The following NMT2 variants were observed in gnomAD, a reference collection of about 807,000 sequenced individuals.
The protein encoded by NMT2 is glycylpeptide N-tetradecanoyltransferase 2.
NMT2 carries 35 observed loss-of-function variants against 65.4 expected under a neutral mutation model. The ratio of observed to expected loss-of-function variants is 0.54; its 90% CI spans 0.41 to 0.71. The LOEUF is 0.71. NMT2 is among the 30% of genes least tolerant of loss of function. NMT2 has a pLI of 0.00. For missense variants in NMT2, 489 were observed against 611.3 expected, an observed-to-expected ratio of 0.80 and a Z score of 2.11; for synonymous variants, 226 against 231.8, an observed-to-expected ratio of 0.98 and a Z score of 0.23.
intron 10 of NMT2, among the ~76,000 whole-genome samples, chr10:15,111,509 CAA>C (rs58537120): frequency 1.9e-5 from 1 of 52,802 alleles, no homozygotes; most frequent in African/African-American, 6.6e-5. Flanking sequence ...AGACTCATCT[CAA>C]AAAAAAAAAA....
intron 8 of NMT2, among the ~76,000 whole-genome samples, chr10:15,119,904 A>G (rs913407629): frequency 1.3e-5 from 2 of 152,224 alleles, no homozygotes; most frequent in Non-Finnish European, 2.9e-5. Context: ...AAGAATGTTA[A>G]CAGTCTACAT....
At chr10:15,125,293 C>T (rs1038100345) in intron 8 of NMT2, among the ~76,000 whole-genome samples, 7 of 152,312 alleles carry the variant, frequency 4.6e-5, no homozygotes, top group Admixed American at 4.6e-4. Context: ...GGACTGCTAC[C>T]AGGAACCCAG....
At chr10:15,138,389 C>A (rs1178609019) in intron 2 of NMT2, 1 of 471,008 alleles carries the variant, frequency 2.1e-6, no homozygotes, top group Non-Finnish European at 4.4e-6. Flanking sequence ...AAGGGAAACT[C>A]AGCTATGATC....
intron 1 of NMT2, among the ~76,000 whole-genome samples, chr10:15,164,847 C>T (rs1050417078): frequency 2.0e-5 from 3 of 152,120 alleles, no homozygotes; most frequent in African/African-American, 7.2e-5. Flanking sequence ...GCCTGACCAA[C>T]ATGGTAAAAC....
At position 15,135,268 on chromosome 10, in the gene NMT2, A is replaced by G. The variant is rs1846439372; in HGVS notation, c.391+6T>C. The G allele has an allele frequency of 1.2e-6, 2 of 1,613,636 alleles. No homozygotes were observed. Among genetic ancestry groups the G allele is most frequent in the Non-Finnish European group, 1.7e-6 (2 of 1,179,934 alleles). On this transcript the variant is annotated splice_donor_region_variant and intron_variant, in intron 3 of 11. Coordinates refer to ENST00000378165, the MANE Select transcript of NMT2 (RefSeq NM_004808.3). ...GGGAAAAAAAGAGAAAAGCAGAAAA[A>G]CTTACCTAGTTTTGGTACCGGTTGT... is the stretch of plus-strand genomic sequence containing the variant.
intron 1 of NMT2, among the ~76,000 whole-genome samples, chr10:15,144,789 A>G (rs1002251860): frequency 3.3e-5 from 5 of 152,160 alleles, no homozygotes; most frequent in African/African-American, 1.2e-4. Context: ...GAACCCTCAT[A>G]CACTGTTGAT....
chr10:15,137,073 T>C (rs947602587), intron 2 of NMT2, among the ~76,000 whole-genome samples: 6 of 152,192 alleles, frequency 3.9e-5, no homozygotes, highest in African/African-American at 1.2e-4. Flanking sequence ...GTGGACACCA[T>C]TGAAAGGTAC....
chr10:15,132,085 G>A (rs1217205158), intron 6 of NMT2, among the ~76,000 whole-genome samples: 3 of 152,072 alleles, frequency 2.0e-5, no homozygotes, highest in East Asian at 1.9e-4. Flanking sequence ...GGCTGGTCTC[G>A]AACTCCTGAC....
chr10:15,113,087 G>T, intron 9 of NMT2, 124 bp from the exon 10 acceptor site: 1 of 1,054,320 alleles, frequency 9.5e-7, no homozygotes, highest in Non-Finnish European at 1.4e-6. Flanking sequence ...TTCTTTCTCG[G>T]CAGTCCAATT....
chr10:15,151,130 A>C (rs1204048121), intron 1 of NMT2, among the ~76,000 whole-genome samples: 1 of 148,422 alleles, frequency 6.7e-6, no homozygotes, highest in East Asian at 2.0e-4. Context: ...GCAATCTCGG[A>C]TCACTGCAAT....
At chr10:15,137,283 G>C (rs756793418) in intron 2 of NMT2, among the ~76,000 whole-genome samples, 15 of 152,094 alleles carry the variant, frequency 9.9e-5, no homozygotes, top group Admixed American at 7.9e-4. Flanking sequence ...GCAGGTGAAA[G>C]TCTTTTTGTC....
chr10:15,111,302 G>C (rs969332515), intron 10 of NMT2, among the ~76,000 whole-genome samples: 2 of 151,642 alleles, frequency 1.3e-5, no homozygotes, highest in Non-Finnish European at 2.9e-5. Flanking sequence ...CCTGAGGTCA[G>C]GAGTTCGAGA....
chr10:15,120,233 G>A (rs1845882074), intron 8 of NMT2, among the ~76,000 whole-genome samples: 1 of 152,138 alleles, frequency 6.6e-6, no homozygotes, highest in South Asian at 2.1e-4. Context: ...TGATGCCGGT[G>A]GATCATTTGA....
intron 1 of NMT2, among the ~76,000 whole-genome samples, chr10:15,147,134 A>G (rs1418921965): frequency 6.9e-6 from 1 of 143,922 alleles, no homozygotes; most frequent in Non-Finnish European, 1.5e-5. Flanking sequence ...AAAAAAAAAA[A>G]AGTGACATCA....
At chr10:15,151,425 G>A (rs79774716) in intron 1 of NMT2, among the ~76,000 whole-genome samples, 14,884 of 152,196 alleles carry the variant, frequency 0.098, 798 homozygotes, top group Middle Eastern at 0.23. Flanking sequence ...ATTCTGATAA[G>A]AGATAATGTT....
intron 1 of NMT2, among the ~76,000 whole-genome samples, chr10:15,153,297 T>G (rs1832868738): frequency 6.6e-6 from 1 of 152,242 alleles, no homozygotes; most frequent in African/African-American, 2.4e-5. Flanking sequence ...AGGAGGTTGA[T>G]CTACGTATTT....
At chr10:15,113,535 A>C (rs1039736843) in intron 9 of NMT2, among the ~76,000 whole-genome samples, 1 of 151,398 alleles carries the variant, frequency 6.6e-6, no homozygotes, top group Non-Finnish European at 1.5e-5. Context: ...AGCTTCCCTC[A>C]GGCTGACAAA....
Position 15,125,912 on chromosome 10 carries a change from G to A in NMT2, c.999+2438C>T, listed in dbSNP as rs575625386. Among the ~76,000 whole-genome samples the A allele has an allele frequency of 1.1e-4, 17 of 152,052 alleles. No individual in the cohort carries two copies. In the East Asian group the frequency reaches 2.2e-3, roughly 19 times the overall value. On this transcript the variant is annotated intron_variant, in intron 8 of 11. Transcript: ENST00000378165. The stretch of plus-strand genomic sequence containing the variant: ...GATCTCTTGACCTTGTGATCTGCCC[G>A]CCTTGGCCTCCCAAAGTGCTGGGAT...
chr10:15,118,857 G>A (rs1845832332), intron 9 of NMT2, among the ~76,000 whole-genome samples: 1 of 152,154 alleles, frequency 6.6e-6, no homozygotes, highest in Non-Finnish European at 1.5e-5. Flanking sequence ...GTGAAAGATG[G>A]GTCCAACCAC....
Sources: gnomAD v4.1 joint callset for allele counts (sites outside exome capture counted in the v4.1 genomes callset) on GRCh38, gnomAD v4.1.1 for gene constraint, MANE v1.5 for transcripts, NCBI Gene and HGNC (gene_info 2026-07-23, HGNC 2026-07-21) for gene names.